PCDHGA6: variants seen among roughly 807,000 people sequenced by gnomAD.
PCDHGA6 encodes protocadherin gamma-A6.
A neutral mutation model predicts 60.6 loss-of-function variants in PCDHGA6; 41 were observed. The observed-to-expected ratio is 0.68, with a 90% CI of 0.53 to 0.88. The LOEUF is 0.88. Ranked by LOEUF, PCDHGA6 falls within the 40% of genes least tolerant of loss-of-function variation. The pLI is 0.00. For synonymous variants in PCDHGA6, 594 were observed against 524.4 expected, an observed-to-expected ratio of 1.13 and a Z score of -1.81; for missense variants, 1,312 against 1,203.0, an observed-to-expected ratio of 1.09 and a Z score of -1.34.
Position 141,491,364 on chromosome 5 carries a change from C to T in PCDHGA6, c.2425-3443C>T. 1 of 1,614,164 alleles carries T rather than the reference C, an allele frequency of 6.2e-7. No homozygotes were observed. The highest frequency in any genetic ancestry group is 8.5e-7 in the Non-Finnish European group (1 of 1,180,000). On this transcript the variant is annotated intron_variant, in intron 1 of 3. Coordinates refer to ENST00000517434, the MANE Select transcript of PCDHGA6 (RefSeq NM_018919.3). This position sits in a 1 kb window ranked among gnomAD's most constrained non-coding sequence, Gnocchi z 6.9. The stretch of plus-strand genomic sequence containing the variant: ...CCGTCAGTCTCTTATCCCTAGTCAC[C>T]TTCACCTTTCTGTCAGCGAAGTGCC...
intron 1 of PCDHGA6, chr5:141,399,287 C>A: frequency 6.2e-7 from 1 of 1,613,912 alleles, no homozygotes; most frequent in Non-Finnish European, 8.5e-7. Context: ...GGCGAAGTCC[C>A]TTTTAAGATT....
At chr5:141,399,019 A>AC in intron 1 of PCDHGA6, 1 of 1,613,932 alleles carries the variant, frequency 6.2e-7, no homozygotes, top group Non-Finnish European at 8.5e-7. Context: ...CGGAGAAATT[A>AC]CCACTCAAAA....
chr5:141,491,379 A>G lies in PCDHGA6; in HGVS notation c.2425-3428A>G, dbSNP rs140150079. 423 of 1,613,968 alleles carry G rather than the reference A, an allele frequency of 2.6e-4. No homozygotes were observed. Among genetic ancestry groups the G allele is most frequent in the Non-Finnish European group, 3.0e-4 (359 of 1,179,986 alleles). On this transcript the variant is annotated intron_variant, in intron 1 of 3. Transcript: ENST00000517434. The surrounding 1 kb of genome is among the most constrained non-coding windows in gnomAD (Gnocchi z 6.9). ...CCCTAGTCACCTTCACCTTTCTGTC[A>G]GCGAAGTGCCTTCAGGGAAACGCAG...
At position 141,423,488 on chromosome 5, in the gene PCDHGA6, A is replaced by G. The variant is rs141810253; in HGVS notation, c.2424+46981A>G. The G allele has an allele frequency of 9.2e-4, 1,481 of 1,613,946 alleles. 7 individuals carry two copies. The highest frequency in any genetic ancestry group is 3.0e-3 in the Middle Eastern group (18 of 6,062). On this transcript the variant is annotated intron_variant, in intron 1 of 3. Transcript: ENST00000517434. The stretch of plus-strand genomic sequence containing the variant: ...GGGGTACAGGCTTTCCTGCAAACCT[A>G]TTCCCACGAGGTCTCTCTCATTGCG...
rs757333940 is a variant in PCDHGA6, at chr5:141,404,777, T to A, written c.2424+28270T>A. The A allele has an allele frequency of 7.4e-6, 12 of 1,613,404 alleles. 1 individual carries two copies. In the South Asian group the frequency reaches 1.3e-4, roughly 18 times the overall value. ...GAATGCTTGGCTCTCCTACCGCCTA[T>A]TCAAGGCCAGTGAGCCAGGGCTCTT... On this transcript the variant is annotated intron_variant, in intron 1 of 3. Transcript: ENST00000517434.
In PCDHGA6 at chr5:141,374,947, C is replaced by T. The variant is rs768274787; in HGVS notation, c.864C>T (p.Ile288=). The change falls in exon 1 of 4, where the codon ATC becomes ATT. Residue 288 remains isoleucine, a synonymous_variant. Coordinates refer to ENST00000517434, the MANE Select transcript of PCDHGA6 (RefSeq NM_018919.3). ...TYSFVKITEK[I]SQIFCLNVLT... is the part of the protein sequence containing the mutation. ...CCTTTGTGAAGATTACAGAAAAGAT[C>T]TCACAAATTTTCTGTTTGAATGTTT... is the stretch of plus-strand genomic sequence containing the variant. 6.2e-7 allele frequency: 1 copy of T among 1,614,018 alleles called. No individual in the cohort carries two copies. The highest frequency in any genetic ancestry group is 2.2e-5 in the East Asian group (1 of 44,894).
At chr5:141,467,117 A>G (rs62379198) in intron 1 of PCDHGA6, among the ~76,000 whole-genome samples, 35,587 of 150,646 alleles carry the variant, frequency 0.24, 4,364 homozygotes, top group Admixed American at 0.32. Flanking sequence ...CAATGGTGCA[A>G]TCTCAGCTCA....
chr5:141,430,975 G>A (rs776670383), intron 1 of PCDHGA6: 2 of 1,613,208 alleles, frequency 1.2e-6, no homozygotes, highest in Admixed American at 1.7e-5. Flanking sequence ...GAGGTAGGAC[G>A]CAGCTTTTCG....
intron 2 of PCDHGA6, among the ~76,000 whole-genome samples, chr5:141,499,879 G>C (rs1470090790): frequency 9.2e-5 from 14 of 151,952 alleles, no homozygotes. Flanking sequence ...GTACAAACAG[G>C]GTTTCGCCAT....
At chr5:141,414,788 C>T in intron 1 of PCDHGA6, 1 of 1,614,222 alleles carries the variant, frequency 6.2e-7, no homozygotes, top group Non-Finnish European at 8.5e-7. Flanking sequence ...CAGGTGACAG[C>T]CAGCGACAGC....
At chr5:141,463,460 T>TTC (rs573961569) in intron 1 of PCDHGA6, among the ~76,000 whole-genome samples, 28 of 136,126 alleles carry the variant, frequency 2.1e-4, no homozygotes, top group Admixed American at 4.4e-4. Context: ...TTTTTTTTTT[T>TTC]TTTTTTGAGA....
chr5:141,473,269 A>G (rs2099318337), intron 1 of PCDHGA6, among the ~76,000 whole-genome samples: 1 of 152,208 alleles, frequency 6.6e-6, no homozygotes. Flanking sequence ...AGTGTATGCT[A>G]TGATTATTTT....
At chr5:141,397,923 C>T in intron 1 of PCDHGA6, 1 of 738,672 alleles carries the variant, frequency 1.4e-6, no homozygotes, top group East Asian at 2.8e-5. Flanking sequence ...GATCTCCTCG[C>T]GCAGCCGCAG....
chr5:141,409,952 C>A (rs892751686), intron 1 of PCDHGA6: 2 of 1,613,350 alleles, frequency 1.2e-6, no homozygotes, highest in Non-Finnish European at 1.7e-6. Context: ...CTCTGCAGAG[C>A]CCGGCTACCT....
intron 1 of PCDHGA6, among the ~76,000 whole-genome samples, chr5:141,380,822 T>G (rs1446261285): frequency 1.3e-5 from 2 of 152,212 alleles, no homozygotes; most frequent in African/African-American, 4.8e-5. Flanking sequence ...AACTATGAAT[T>G]TTGAGGCATC....
At position 141,404,057 on chromosome 5, in the gene PCDHGA6, T is replaced by G. The variant is rs558471539; in HGVS notation, c.2424+27550T>G. ...ACCTCAGGGAACAGTAATTCTTCTT[T>G]TCAATGCTCATGACCGAGACTCCGG... On this transcript the variant is annotated intron_variant, in intron 1 of 3. Coordinates refer to ENST00000517434, the MANE Select transcript of PCDHGA6 (RefSeq NM_018919.3). 9.5e-5 allele frequency: 154 copies of G among 1,613,894 alleles called. No individual in the cohort carries two copies. The East Asian group carries it at 3.4e-3, about 36-fold the overall frequency.
chr5:141,423,647 C>T (rs775169904), intron 1 of PCDHGA6: 3 of 1,589,144 alleles, frequency 1.9e-6, no homozygotes, highest in Non-Finnish European at 2.6e-6. Flanking sequence ...AAATGTGACC[C>T]GACAAGTAAT....
intron 1 of PCDHGA6, among the ~76,000 whole-genome samples, chr5:141,460,173 A>C (rs2098983888): frequency 6.6e-6 from 1 of 152,004 alleles, no homozygotes; most frequent in Admixed American, 6.6e-5. Flanking sequence ...TATTTTGTGG[A>C]TATTTTATCC....
At position 141,485,142 on chromosome 5, in the gene PCDHGA6, A is replaced by C. The variant is rs979255582; in HGVS notation, c.2425-9665A>C. 5 of 1,554,566 alleles carry C rather than the reference A, an allele frequency of 3.2e-6. No homozygotes were observed. The highest frequency in any genetic ancestry group is 3.5e-6 in the Non-Finnish European group (4 of 1,131,592). On this transcript the variant is annotated intron_variant, in intron 1 of 3. Transcript: ENST00000517434. The surrounding 1 kb of genome is among the most constrained non-coding windows in gnomAD (Gnocchi z 5.7). ...GGCGGGTCGGCTTCATCCGCGTCTC[A>C]GGAGCAAGTAGAGAATTAGCGGGCG... is the stretch of plus-strand genomic sequence containing the variant.
Sources: gnomAD v4.1 joint callset for allele counts (sites outside exome capture counted in the v4.1 genomes callset) on GRCh38, gnomAD v4.1.1 for gene constraint, Gnocchi (gnomAD v3.1) non-coding constraint, MANE v1.5 for transcripts, NCBI Gene and HGNC (gene_info 2026-07-23, HGNC 2026-07-21) for gene names.